SGSM1: variants seen among roughly 807,000 people sequenced by gnomAD.
SGSM1 encodes RUN and TBC1 domain containing 2.
A neutral mutation model predicts 133.8 loss-of-function variants in SGSM1; 73 were observed. The ratio of observed to expected loss-of-function variants is 0.55; its 90% CI spans 0.45 to 0.66. The LOEUF (loss-of-function observed/expected upper bound fraction) is 0.66. SGSM1 is among the 30% of genes least tolerant of loss of function. The pLI is 0.00. For missense variants in SGSM1, 1,213 were observed against 1,448.1 expected (o/e 0.84, Z 2.64); for synonymous variants, 563 against 573.0 (o/e 0.98, Z 0.25).
intron 2 of SGSM1, among the ~76,000 whole-genome samples, chr22:24,841,016 A>G (rs1194363161): frequency 2.0e-5 from 3 of 151,654 alleles, no homozygotes; most frequent in African/African-American, 7.3e-5. Flanking sequence ...ACGCCCGGCT[A>G]ATTTTTTGTA....
intron 8 of SGSM1, among the ~76,000 whole-genome samples, chr22:24,857,227 C>G (rs1317380166): frequency 6.7e-6 from 1 of 148,552 alleles, no homozygotes; most frequent in South Asian, 2.2e-4. Flanking sequence ...TATGGTGAAA[C>G]CCTATCTCTA....
rs765933231 is a variant in SGSM1 at position 24,867,167 on chromosome 22, AC to A, written c.994+8del. The A allele has an allele frequency of 9.3e-6, 15 of 1,613,416 alleles. No homozygotes were observed. The highest frequency in any genetic ancestry group is 1.2e-5 in the Non-Finnish European group (14 of 1,179,768). ...CTGCACTGCCACCAGCAAGGTAGGG[AC>A]TGTGGGGACAGGAGGGGTCTGCGTA... On this transcript the variant is annotated splice_region_variant and intron_variant, in intron 10 of 24. Transcript: ENST00000400358.
In SGSM1 at chr22:24,872,026, A is replaced by C. The variant is rs750797712; in HGVS notation, c.1291+3171A>C. On this transcript the variant is annotated intron_variant, in intron 12 of 24. Coordinates refer to ENST00000400358, the MANE Select transcript of SGSM1 (RefSeq NM_001098497.3). ...GTTTTATTGGAACACAGCCACATCC[A>C]TTCATTTATATATCATTTATGGCTG... 7.2e-5 allele frequency among the ~76,000 whole-genome samples: 11 copies of C among 152,200 alleles called. 1 individual carries two copies. Among genetic ancestry groups the C allele is most frequent in the African/African-American group, 1.2e-4 (5 of 41,444 alleles).
chr22:24,807,467 AGTGT>A (rs1267019135), intron 2 of SGSM1, among the ~76,000 whole-genome samples: 1 of 151,448 alleles, frequency 6.6e-6, no homozygotes, highest in South Asian at 2.1e-4. Context: ...TGATGCTGTG[AGTGT>A]GTGTGTGTAT....
In SGSM1 at chr22:24,920,001, C is replaced by T. The variant is rs1933950850; in HGVS notation, c.3193+8C>T. 2.5e-6 allele frequency: 4 copies of T among 1,586,558 alleles called. No individual in the cohort carries two copies. Among genetic ancestry groups the T allele is most frequent in the Non-Finnish European group, 3.4e-6 (4 of 1,166,292 alleles). On this transcript the variant is annotated splice_region_variant and intron_variant, in intron 24 of 24. Coordinates refer to ENST00000400358, the MANE Select transcript of SGSM1 (RefSeq NM_001098497.3). ...TCATCAAATTCTTTAATGGTACCCACATGACTGGGGCCTCATGAGAGGGGT... is the reference window on the plus strand; with the variant it reads ...TCATCAAATTCTTTAATGGTACCCATATGACTGGGGCCTCATGAGAGGGGT...
intron 17 of SGSM1, among the ~76,000 whole-genome samples, chr22:24,894,353 A>G (rs1156512074): frequency 6.6e-6 from 1 of 152,238 alleles, no homozygotes; most frequent in East Asian, 1.9e-4. Flanking sequence ...AGATTGCATC[A>G]CTGCACTCCA....
chr22:24,834,990 C>T (rs1331344387), intron 2 of SGSM1, among the ~76,000 whole-genome samples: 1 of 152,156 alleles, frequency 6.6e-6, no homozygotes, highest in Admixed American at 6.5e-5. Context: ...CAAACTGCGA[C>T]TCACTCAAGA....
At chr22:24,847,831 C>T in intron 4 of SGSM1, 35 bp downstream of exon 4, 1 of 1,605,114 alleles carries the variant, frequency 6.2e-7, no homozygotes, top group Non-Finnish European at 8.5e-7. Flanking sequence ...GTGGGAGCAG[C>T]TCCCCCAATA....
At chr22:24,810,630 A>C (rs147071925) in intron 2 of SGSM1, among the ~76,000 whole-genome samples, 155 of 152,280 alleles carry the variant, frequency 1.0e-3, no homozygotes, top group African/African-American at 3.5e-3. Flanking sequence ...TGGGCCTAGA[A>C]AGCCTCTTAA....
At chr22:24,877,986 T>C (rs1021232372) in intron 13 of SGSM1, among the ~76,000 whole-genome samples, 1 of 151,662 alleles carries the variant, frequency 6.6e-6, no homozygotes, top group Non-Finnish European at 1.5e-5. Context: ...AGTTTTTGTG[T>C]TTTTAGTAGA....
intron 2 of SGSM1, 101 bp from the exon 3 acceptor site, chr22:24,844,795 GA>G (rs1197351406): frequency 5.9e-6 from 6 of 1,018,068 alleles, no homozygotes; most frequent in Non-Finnish European, 8.7e-6. Flanking sequence ...CAAACAGCCT[GA>G]AAGGCCTTGT....
At chr22:24,840,413 G>A (rs946522920) in intron 2 of SGSM1, among the ~76,000 whole-genome samples, 7 of 152,012 alleles carry the variant, frequency 4.6e-5, no homozygotes, top group South Asian at 2.1e-4. Flanking sequence ...GTGCGTTCTC[G>A]GCTCACTGCA....
Position 24,924,314 on chromosome 22 carries a change from G to A in SGSM1, c.*40G>A. On this transcript the variant is annotated 3_prime_UTR_variant, in exon 25 of 25. Coordinates refer to ENST00000400358, the MANE Select transcript of SGSM1 (RefSeq NM_001098497.3). ...CGGCAGCCTCAGCCAAGCTGCCCCT[G>A]CCCCGCTCCTCTGCTTACTTTTCCT... The A allele has an allele frequency of 1.3e-6, 2 of 1,570,300 alleles. No homozygotes were observed. Among genetic ancestry groups the A allele is most frequent in the South Asian group, 1.1e-5 (1 of 89,942 alleles).
chr22:24,887,744 C>G (rs140441824), intron 16 of SGSM1, among the ~76,000 whole-genome samples: 1 of 152,162 alleles, frequency 6.6e-6, no homozygotes, highest in Non-Finnish European at 1.5e-5. Flanking sequence ...TGGGCAACAT[C>G]GGGAGACCCT....
At chr22:24,915,670 C>T (rs1301277279) in intron 22 of SGSM1, among the ~76,000 whole-genome samples, 1 of 152,080 alleles carries the variant, frequency 6.6e-6, no homozygotes, top group East Asian at 1.9e-4. Context: ...GTTTCCAATC[C>T]CTCAAGCATT....
chr22:24,833,820 G>A (rs1232799228), intron 2 of SGSM1, among the ~76,000 whole-genome samples: 1 of 152,242 alleles, frequency 6.6e-6, no homozygotes, highest in East Asian at 1.9e-4. Flanking sequence ...ACAGTGGGAG[G>A]TAGGCACATC....
chr22:24,868,814 A>G lies in SGSM1; in HGVS notation c.1250A>G (p.Tyr417Cys), dbSNP rs768890550. The change falls in exon 12 of 25, where the codon TAT becomes TGT. Residue 417 changes from tyrosine to cysteine, a missense_variant. Tyr to Cys is a radical substitution (Grantham distance 194). Transcript: ENST00000400358. ...AAAGATGATGATGAGGCCACGGATT[A>G]TGTGTTCAGGATCATCTACCCTGGC... ...SDKDDDEATDYVFRIIYPGMQ... is the reference protein window; with the variant it reads ...SDKDDDEATDCVFRIIYPGMQ... The G allele has an allele frequency of 5.6e-6, 9 of 1,613,842 alleles. No individual in the cohort carries two copies. The highest frequency in any genetic ancestry group is 1.7e-5 in the Admixed American group (1 of 60,000).
intron 2 of SGSM1, among the ~76,000 whole-genome samples, chr22:24,828,361 A>C (rs1928911448): frequency 6.6e-6 from 1 of 152,228 alleles, no homozygotes; most frequent in Non-Finnish European, 1.5e-5. Flanking sequence ...GGATTAAATA[A>C]GTATTCTATA....
chr22:24,821,068 C>T (rs963305013), intron 2 of SGSM1, among the ~76,000 whole-genome samples: 1 of 152,148 alleles, frequency 6.6e-6, no homozygotes, highest in Non-Finnish European at 1.5e-5. Flanking sequence ...TGGAGTTTCA[C>T]TCTTGTCACC....
Sources: gnomAD v4.1 joint callset for allele counts (sites outside exome capture counted in the v4.1 genomes callset) on GRCh38, gnomAD v4.1.1 for gene constraint, MANE v1.5 for transcripts, NCBI Gene and HGNC (gene_info 2026-07-23, HGNC 2026-07-21) for gene names.